The following TMCO5A variants were observed in gnomAD, a reference collection of about 807,000 sequenced individuals.
TMCO5A encodes transmembrane and coiled-coil domain-containing protein 5A.
A neutral mutation model predicts 42.3 loss-of-function variants in TMCO5A; 34 were observed. That is an observed-to-expected ratio of 0.80 (90% CI 0.61 to 1.07). TMCO5A has a LOEUF of 1.07. Among genes scored for constraint, TMCO5A ranks in the 50% least tolerant of loss-of-function variants. The pLI, the probability that TMCO5A is intolerant of heterozygous loss-of-function variation, is 0.00. For synonymous variants in TMCO5A, 131 were observed against 115.6 expected (o/e 1.13, Z -0.86); for missense variants, 357 against 327.9 (o/e 1.09, Z -0.69).
chr15:38,010,383 C>CA, the TMCO5A span, among the ~76,000 whole-genome samples: 10,089 of 40,060 alleles, frequency 0.25, 1,904 homozygotes, highest in African/African-American at 0.31. Flanking sequence ...ACTCCGTCTC[C>CA]AAAAAAAAAA....
chr15:38,017,878 C>T, the TMCO5A span, among the ~76,000 whole-genome samples: 3 of 152,122 alleles, frequency 2.0e-5, no homozygotes, highest in East Asian at 1.9e-4. Flanking sequence ...CCTTGCTGTT[C>T]TTGTGATCGT....
At chr15:38,039,365 C>A in the TMCO5A span, among the ~76,000 whole-genome samples, 2 of 152,182 alleles carry the variant, frequency 1.3e-5, no homozygotes, top group Non-Finnish European at 2.9e-5. Context: ...ATTATAACTA[C>A]AGTATAACAT....
chr15:37,941,146 T>C lies in TMCO5A; in HGVS notation c.388-3T>C. 1.9e-6 allele frequency: 3 copies of C among 1,613,140 alleles called. No individual in the cohort carries two copies. Among genetic ancestry groups the C allele is most frequent in the South Asian group, 1.1e-5 (1 of 91,038 alleles). ...AGTTAGCAGTCTCTTTTGCTTTCTT[T>C]AGGTTAAGTTACAACAGCTGGAAGC... On this transcript the variant is annotated splice_polypyrimidine_tract_variant and splice_region_variant and intron_variant, in intron 6 of 11. Coordinates refer to ENST00000319669, the MANE Select transcript of TMCO5A (RefSeq NM_152453.4).
the TMCO5A span, among the ~76,000 whole-genome samples, chr15:38,031,897 C>T: frequency 6.6e-6 from 1 of 152,102 alleles, no homozygotes; most frequent in Admixed American, 6.5e-5. Flanking sequence ...TATGCCAGGC[C>T]CCCTCTGGCC....
chr15:37,969,371 C>G (rs764054935), downstream of TMCO5A, among the ~76,000 whole-genome samples: 1 of 152,140 alleles, frequency 6.6e-6, no homozygotes, highest in Admixed American at 6.5e-5. Flanking sequence ...CACTAGGCCT[C>G]AGAGAAAACC....
the TMCO5A span, among the ~76,000 whole-genome samples, chr15:38,037,418 A>G: frequency 6.6e-6 from 1 of 152,220 alleles, no homozygotes; most frequent in Non-Finnish European, 1.5e-5. Flanking sequence ...TATTGCCTCT[A>G]TGAAAGGGCT....
chr15:38,033,053 G>A, the TMCO5A span, among the ~76,000 whole-genome samples: 1 of 150,476 alleles, frequency 6.6e-6, no homozygotes, highest in Non-Finnish European at 1.5e-5. Context: ...TCAGCCTCCC[G>A]AGTAGCTGGG....
At chr15:37,965,226 C>T (rs753002432) in intron 11 of TMCO5A, among the ~76,000 whole-genome samples, 10 of 152,106 alleles carry the variant, frequency 6.6e-5, no homozygotes, top group Admixed American at 1.3e-4. Flanking sequence ...AAAAATGAAA[C>T]GAAATCCCTG....
At chr15:38,010,406 AGAG>A in the TMCO5A span, among the ~76,000 whole-genome samples, 2 of 121,750 alleles carry the variant, frequency 1.6e-5, no homozygotes, top group Admixed American at 8.2e-5. Context: ...AAAAAAAAAA[AGAG>A]GGAGGCAGAG....
the TMCO5A span, among the ~76,000 whole-genome samples, chr15:37,990,581 T>C: frequency 6.6e-6 from 1 of 152,098 alleles, no homozygotes; most frequent in Non-Finnish European, 1.5e-5. Flanking sequence ...ATTCTGCCAA[T>C]CTCTGTCTTT....
At chr15:37,972,325 G>C (rs1890690486), downstream of TMCO5A, among the ~76,000 whole-genome samples, 1 of 152,138 alleles carries the variant, frequency 6.6e-6, no homozygotes, top group Admixed American at 6.5e-5. Context: ...CTCCCACCGG[G>C]TCCCTCCCAC....
chr15:38,034,711 A>G, the TMCO5A span, among the ~76,000 whole-genome samples: 1 of 152,132 alleles, frequency 6.6e-6, no homozygotes, highest in East Asian at 1.9e-4. Flanking sequence ...CAACTTCTTT[A>G]AGCCATAAAA....
chr15:38,000,895 T>C, the TMCO5A span, among the ~76,000 whole-genome samples: 1 of 152,128 alleles, frequency 6.6e-6, no homozygotes, highest in Non-Finnish European at 1.5e-5. Context: ...ATTTTGAATT[T>C]TTAAGACATT....
the TMCO5A span, among the ~76,000 whole-genome samples, chr15:38,010,353 A>T: frequency 3.7e-3 from 503 of 136,532 alleles, 6 homozygotes; most frequent in African/African-American, 0.013. Flanking sequence ...CCAGCACTCC[A>T]GCCTGGGCGA....
chr15:38,025,267 A>G, the TMCO5A span, among the ~76,000 whole-genome samples: 1 of 151,920 alleles, frequency 6.6e-6, no homozygotes, highest in Non-Finnish European at 1.5e-5. Context: ...CTCTCTTATT[A>G]TAATAGATTA....
the TMCO5A span, among the ~76,000 whole-genome samples, chr15:38,009,794 T>A: frequency 6.6e-6 from 1 of 152,208 alleles, no homozygotes; most frequent in African/African-American, 2.4e-5. Context: ...TATATATAAA[T>A]GAGGCATGGT....
chr15:37,938,993 A>G (rs565761533), intron 6 of TMCO5A, among the ~76,000 whole-genome samples: 12 of 152,172 alleles, frequency 7.9e-5, no homozygotes, highest in African/African-American at 2.6e-4. Flanking sequence ...TTCTTCAGAG[A>G]GCAGATAAAT....
chr15:37,996,388 G>C, the TMCO5A span, among the ~76,000 whole-genome samples: 1 of 152,168 alleles, frequency 6.6e-6, no homozygotes, highest in Non-Finnish European at 1.5e-5. Context: ...CAACGTGGGC[G>C]CCTTCCAGGC....
the TMCO5A span, among the ~76,000 whole-genome samples, chr15:38,012,287 C>T: frequency 6.6e-6 from 1 of 152,104 alleles, no homozygotes; most frequent in African/African-American, 2.4e-5. Context: ...CTCACCAGCC[C>T]CAGAATCCAT....
Sources: gnomAD v4.1 joint callset for allele counts (sites outside exome capture counted in the v4.1 genomes callset) on GRCh38, gnomAD v4.1.1 for gene constraint, MANE v1.5 for transcripts, NCBI Gene and HGNC (gene_info 2026-07-23, HGNC 2026-07-21) for gene names.